The following KCNK2 variants were observed in gnomAD, a reference collection of about 807,000 sequenced individuals.
The protein encoded by KCNK2 is potassium two pore domain channel subfamily K member 2.
A neutral mutation model predicts 40.5 loss-of-function variants in KCNK2; 21 were observed. That is an observed-to-expected ratio of 0.52 (90% CI 0.37 to 0.75). KCNK2 has a LOEUF of 0.75. Among genes scored for constraint, KCNK2 ranks in the 30% least tolerant of loss-of-function variants. The pLI is 0.00. For missense variants in KCNK2, 399 were observed against 531.6 expected (o/e 0.75, Z 2.45); for synonymous variants, 191 against 202.2 (o/e 0.94, Z 0.47).
intron 1 of KCNK2, among the ~76,000 whole-genome samples, chr1:215,066,202 C>CGT (rs1184118473): frequency 5.9e-5 from 9 of 151,932 alleles, no homozygotes; most frequent in African/African-American, 9.7e-5. Flanking sequence ...CACTATGGCA[C>CGT]GTGTATACCT....
At chr1:215,016,115 A>G (rs1310981635) in intron 1 of KCNK2, among the ~76,000 whole-genome samples, 2 of 152,206 alleles carry the variant, frequency 1.3e-5, no homozygotes, top group Admixed American at 6.5e-5. Flanking sequence ...ATGACAAACA[A>G]CAAATTAGGG....
chr1:215,200,047 G>C (rs1571720865), intron 6 of KCNK2, among the ~76,000 whole-genome samples: 1 of 152,146 alleles, frequency 6.6e-6, no homozygotes, highest in East Asian at 1.9e-4. Context: ...CACCACAGCT[G>C]GCCACAGTGA....
At chr1:215,032,438 C>CT (rs202180057) in intron 1 of KCNK2, among the ~76,000 whole-genome samples, 9 of 151,178 alleles carry the variant, frequency 6.0e-5, no homozygotes, top group Non-Finnish European at 1.0e-4. Context: ...AAACAGTAAA[C>CT]TTTTTTTTTA....
intron 1 of KCNK2, among the ~76,000 whole-genome samples, chr1:215,051,388 C>T (rs1475999377): frequency 6.6e-6 from 1 of 152,194 alleles, no homozygotes; most frequent in Non-Finnish European, 1.5e-5. Flanking sequence ...GACACAATTA[C>T]AGAGCTGTCT....
intron 1 of KCNK2, among the ~76,000 whole-genome samples, chr1:215,009,191 T>A (rs1354079306): frequency 6.6e-6 from 1 of 151,980 alleles, no homozygotes; most frequent in East Asian, 1.9e-4. Context: ...AGGTGGGGAG[T>A]GTATTTTGAT....
chr1:215,163,022 A>G (rs927561292), intron 3 of KCNK2, among the ~76,000 whole-genome samples: 7 of 152,164 alleles, frequency 4.6e-5, no homozygotes, highest in Admixed American at 4.6e-4. Context: ...TTTGGGCAGT[A>G]TGGCCATTTT....
At chr1:215,032,976 A>G (rs1318510094) in intron 1 of KCNK2, among the ~76,000 whole-genome samples, 1 of 151,778 alleles carries the variant, frequency 6.6e-6, no homozygotes, top group Admixed American at 6.6e-5. Flanking sequence ...TTCTTCCAGT[A>G]TTCTCATTAT....
intron 1 of KCNK2, among the ~76,000 whole-genome samples, chr1:215,069,042 A>C (rs560355132): frequency 1.3e-5 from 2 of 152,328 alleles, no homozygotes; most frequent in Non-Finnish European, 2.9e-5. Context: ...ATGGAAAATA[A>C]AGTCAATACA....
intron 1 of KCNK2, among the ~76,000 whole-genome samples, chr1:215,035,144 A>C (rs1300294481): frequency 6.6e-6 from 1 of 152,128 alleles, no homozygotes; most frequent in East Asian, 1.9e-4. Flanking sequence ...TATAGTATCC[A>C]GTAAAAACAA....
intron 4 of KCNK2, among the ~76,000 whole-genome samples, chr1:215,170,731 T>C (rs1663671163): frequency 6.6e-6 from 1 of 152,184 alleles, no homozygotes. Context: ...ATTATACTTT[T>C]ATTTAAAAGA....
intron 4 of KCNK2, among the ~76,000 whole-genome samples, chr1:215,169,874 G>A (rs1249865731): frequency 1.3e-5 from 2 of 151,916 alleles, no homozygotes; most frequent in African/African-American, 2.4e-5. Context: ...TTGAACTCCC[G>A]ACCTCCAATG....
At chr1:215,161,122 C>T (rs1333578263) in intron 3 of KCNK2, among the ~76,000 whole-genome samples, 3 of 152,136 alleles carry the variant, frequency 2.0e-5, no homozygotes, top group African/African-American at 7.2e-5. Context: ...GTAATAGGAT[C>T]CATCTAAAAG....
chr1:215,209,265 A>T (rs1376033078), intron 6 of KCNK2, among the ~76,000 whole-genome samples: 5 of 114,522 alleles, frequency 4.4e-5, no homozygotes, highest in Admixed American at 1.2e-4. Flanking sequence ...TTATATATAA[A>T]ATATATAAAT....
intron 6 of KCNK2, among the ~76,000 whole-genome samples, chr1:215,203,569 A>T (rs1048467804): frequency 6.6e-6 from 1 of 151,976 alleles, no homozygotes; most frequent in Non-Finnish European, 1.5e-5. Flanking sequence ...TTCTATGTAG[A>T]ACATAAAATA....
intron 3 of KCNK2, among the ~76,000 whole-genome samples, chr1:215,132,614 G>A (rs917487696): frequency 2.6e-5 from 4 of 152,058 alleles, no homozygotes; most frequent in Non-Finnish European, 5.9e-5. Flanking sequence ...TACAAAAATT[G>A]AAATTAAATT....
chr1:215,115,736 TA>T lies in KCNK2; in HGVS notation c.358-8890del, dbSNP rs1454645707. Among the ~76,000 whole-genome samples the T allele has an allele frequency of 2.7e-4, 34 of 127,112 alleles. No homozygotes were observed. In the East Asian group the frequency reaches 4.8e-3, roughly 18 times the overall value. The allele number at this position is 127,112 out of a possible 152,430, so 83.4% of individuals were successfully genotyped here. A position where few individuals can be genotyped will look rare whatever the true frequency, so the allele number is the denominator to read the frequency against. ...CTCTTTCATGCTTTCCTTTTTTTTT[TA>T]AAAAAATTAATCTTTTTCTTCCACT... On this transcript the variant is annotated intron_variant, in intron 2 of 6. Coordinates refer to ENST00000444842, the MANE Select transcript of KCNK2 (RefSeq NM_001017425.3).
At chr1:215,205,902 T>G (rs940374081) in intron 6 of KCNK2, among the ~76,000 whole-genome samples, 2 of 152,216 alleles carry the variant, frequency 1.3e-5, no homozygotes, top group African/African-American at 4.8e-5. Flanking sequence ...AGATTTAGAC[T>G]TTATGTGCCA....
At chr1:215,103,786 C>G (rs1660318929) in intron 2 of KCNK2, among the ~76,000 whole-genome samples, 1 of 151,982 alleles carries the variant, frequency 6.6e-6, no homozygotes, top group South Asian at 2.1e-4. Flanking sequence ...GCTTTATTCT[C>G]CATTATTCAA....
At chr1:215,127,878 A>G (rs1661500922) in intron 3 of KCNK2, among the ~76,000 whole-genome samples, 1 of 152,036 alleles carries the variant, frequency 6.6e-6, no homozygotes, top group Non-Finnish European at 1.5e-5. Flanking sequence ...CTGTGAGGCT[A>G]AATTATTAGC....
Sources: allele counts gnomAD v4.1 joint callset (sites outside exome capture counted in the v4.1 genomes callset), GRCh38; gene constraint gnomAD v4.1.1; transcripts MANE v1.5; gene names NCBI Gene and HGNC (gene_info 2026-07-23, HGNC 2026-07-21).